FRMPD4: variants seen among roughly 807,000 people sequenced by gnomAD.
FRMPD4 encodes the protein FERM and PDZ domain containing 4.
Under a neutral mutation model 94.1 loss-of-function variants are expected in FRMPD4, and 22 were observed. The ratio of observed to expected loss-of-function variants is 0.23; its 90% confidence interval spans 0.17 to 0.33. The LOEUF (loss-of-function observed/expected upper bound fraction) is 0.33. FRMPD4 is among the 10% of genes least tolerant of loss of function. FRMPD4 has a pLI of 1.00. For missense variants in FRMPD4, 1,111 were observed against 1,339.9 expected, an observed-to-expected ratio of 0.83 and a Z score of 2.67; for synonymous variants, 631 against 548.6, an observed-to-expected ratio of 1.15 and a Z score of -2.10.
At chrX:12,456,492 C>A (rs998917651) in intron 1 of FRMPD4, among the ~76,000 whole-genome samples, 21 of 111,786 alleles carry the variant, frequency 1.9e-4, no homozygotes, top group African/African-American at 6.8e-4. Flanking sequence ...CTGCTTGCCC[C>A]ACCTCTACCC....
At chrX:12,200,384 G>T (rs2056617456) in intron 1 of FRMPD4, among the ~76,000 whole-genome samples, 1 of 112,223 alleles carries the variant, frequency 8.9e-6, no homozygotes, top group Non-Finnish European at 1.9e-5. Flanking sequence ...TTTTGCAAAG[G>T]TGGTTTCAAG....
chrX:12,041,003 C>T (rs777471117), intron 3 of FRMPD4, among the ~76,000 whole-genome samples: 4 of 111,068 alleles, frequency 3.6e-5, no homozygotes, highest in East Asian at 2.8e-4. Flanking sequence ...GATTACTATA[C>T]GCATCTTAAA....
chrX:12,625,282 A>G (rs942888210), intron 4 of FRMPD4, among the ~76,000 whole-genome samples: 1 of 111,672 alleles, frequency 9.0e-6, no homozygotes, highest in Non-Finnish European at 1.9e-5. Context: ...CAATATCACT[A>G]CTAGATACAT....
intron 4 of FRMPD4, among the ~76,000 whole-genome samples, chrX:12,643,454 C>T (rs2059518382): frequency 9.0e-6 from 1 of 111,444 alleles, no homozygotes; most frequent in Non-Finnish European, 1.9e-5. Flanking sequence ...AAAATATCAC[C>T]CTGGCCGTGC....
chrX:12,488,588 A>G (rs1038983169), intron 1 of FRMPD4, among the ~76,000 whole-genome samples: 11 of 110,342 alleles, frequency 1.0e-4, no homozygotes, highest in African/African-American at 3.3e-4. Flanking sequence ...GGGTTGAACT[A>G]TAATGTTCTA....
intron 4 of FRMPD4, among the ~76,000 whole-genome samples, chrX:12,627,917 T>G (rs940083483): frequency 3.6e-5 from 4 of 112,420 alleles, no homozygotes; most frequent in African/African-American, 1.3e-4. Context: ...CTGTTCTTCC[T>G]TTGGAACTAC....
intron 2 of FRMPD4, among the ~76,000 whole-genome samples, chrX:12,565,672 G>A (rs1263242596): frequency 8.9e-6 from 1 of 111,971 alleles, no homozygotes; most frequent in Non-Finnish European, 1.9e-5. Flanking sequence ...GTGCAATGTG[G>A]CACCTGAAAT....
intron 4 of FRMPD4, among the ~76,000 whole-genome samples, chrX:12,618,417 A>C (rs1338801830): frequency 9.0e-6 from 1 of 111,712 alleles, no homozygotes; most frequent in East Asian, 2.8e-4. Flanking sequence ...ATTAATTTCC[A>C]TATATTTATG....
At chrX:12,377,383 C>T (rs1275811308) in intron 1 of FRMPD4, among the ~76,000 whole-genome samples, 1 of 112,182 alleles carries the variant, frequency 8.9e-6, no homozygotes, top group African/African-American at 3.2e-5. Flanking sequence ...GGTAGCTACA[C>T]GTTATTATGC....
At chrX:12,541,578 T>C (rs2058412977) in intron 2 of FRMPD4, among the ~76,000 whole-genome samples, 1 of 111,614 alleles carries the variant, frequency 9.0e-6, no homozygotes, top group South Asian at 3.8e-4. Context: ...TAACAGGCTC[T>C]GAAATCGAGG....
At chrX:12,531,122 G>A (rs1379142760) in intron 2 of FRMPD4, among the ~76,000 whole-genome samples, 1 of 112,159 alleles carries the variant, frequency 8.9e-6, no homozygotes, top group Non-Finnish European at 1.9e-5. Flanking sequence ...ATTTCTCAAT[G>A]GCAATTTATT....
chrX:12,684,185 G>T (rs1158038856), intron 6 of FRMPD4, among the ~76,000 whole-genome samples: 1 of 112,191 alleles, frequency 8.9e-6, no homozygotes, highest in East Asian at 2.8e-4. Flanking sequence ...AATGAATAAT[G>T]CAACTATCAA....
chrX:12,110,917 A>C (rs1397270103), intron 3 of FRMPD4, among the ~76,000 whole-genome samples: 2 of 111,761 alleles, frequency 1.8e-5, no homozygotes, highest in Admixed American at 9.5e-5. Flanking sequence ...AATGAAATAA[A>C]AGAGGACACA....
At chrX:11,921,445 A>C in intron 3 of FRMPD4, among the ~76,000 whole-genome samples, 1 of 108,097 alleles carries the variant, frequency 9.3e-6, no homozygotes, top group Non-Finnish European at 1.9e-5. Context: ...CTCCAAATAC[A>C]ATCACATTGG....
intron 3 of FRMPD4, among the ~76,000 whole-genome samples, chrX:12,074,448 G>A (rs1270964950): frequency 9.0e-6 from 1 of 111,089 alleles, no homozygotes; most frequent in African/African-American, 3.3e-5. Flanking sequence ...GCAAATGCCT[G>A]ATACCTGCTT....
chrX:12,476,918 G>T (rs1044747962), intron 1 of FRMPD4, among the ~76,000 whole-genome samples: 6 of 111,584 alleles, frequency 5.4e-5, no homozygotes, highest in Non-Finnish European at 1.1e-4. Flanking sequence ...GATTCCTCAG[G>T]GATCTAGAAC....
chrX:12,663,839 G>T (rs981958195), intron 4 of FRMPD4, among the ~76,000 whole-genome samples: 1 of 112,448 alleles, frequency 8.9e-6, no homozygotes, highest in Admixed American at 9.4e-5. Context: ...CATGAGCATG[G>T]AATGTTTTTC....
At chrX:12,191,275 A>T (rs181442051) in intron 1 of FRMPD4, among the ~76,000 whole-genome samples, 1 of 112,056 alleles carries the variant, frequency 8.9e-6, no homozygotes, top group East Asian at 2.8e-4. Context: ...GAGCAACAGG[A>T]ACTTTCGTTC....
Position 12,542,420 on chromosome X carries a change from C to T in FRMPD4, c.158+43624C>T, listed in dbSNP as rs770015074. Among the ~76,000 whole-genome samples, 195 of 112,356 alleles carry T rather than the reference C, an allele frequency of 1.7e-3. 2 individuals carry two copies. The highest frequency in any genetic ancestry group is 3.1e-3 in the Non-Finnish European group (164 of 53,260). On this transcript the variant is annotated intron_variant, in intron 2 of 16. Coordinates refer to ENST00000675598, the MANE Select transcript of FRMPD4 (RefSeq NM_001368397.1). ...GGATACAAAATCAATGCGCAAAAAT[C>T]ACAAGCATTCTTATACACCAATAAC... is the stretch of plus-strand genomic sequence containing the variant.
Sources: allele counts gnomAD v4.1 joint callset (sites outside exome capture counted in the v4.1 genomes callset), GRCh38; gene constraint gnomAD v4.1.1; transcripts MANE v1.5; gene names NCBI Gene and HGNC (gene_info 2026-07-23, HGNC 2026-07-21).